The following JMJD1C variants were observed in gnomAD, a reference collection of about 807,000 sequenced individuals.
JMJD1C encodes jumonji domain containing 1C, also known as jumonji domain-containing protein 1C.
JMJD1C carries 31 observed loss-of-function variants against 245.3 expected under a neutral mutation model. The observed-to-expected ratio is 0.13, with a 90% CI of 0.09 to 0.17. The LOEUF (loss-of-function observed/expected upper bound fraction) is 0.17. Among genes scored for constraint, JMJD1C ranks in the 10% least tolerant of loss-of-function variants. JMJD1C has a pLI of 1.00. For synonymous variants in JMJD1C, 1,057 were observed against 1,017.4 expected, an observed-to-expected ratio of 1.04 and a Z score of -0.74; for missense variants, 2,691 against 3,000.2, an observed-to-expected ratio of 0.90 and a Z score of 2.41.
At position 63,347,752 on chromosome 10, in the gene JMJD1C, T is replaced by G. The variant is rs546978607; in HGVS notation, c.333+32566A>C. Among the ~76,000 whole-genome samples the G allele has an allele frequency of 6.7e-4, 102 of 151,122 alleles. 1 individual carries two copies. Among genetic ancestry groups the G allele is most frequent in the African/African-American group, 2.4e-3 (99 of 41,116 alleles). On this transcript the variant is annotated intron_variant, in intron 2 of 25. Transcript: ENST00000399262. ...ACGTGGTGAAACGCCCCCACCCTAC[T>G]AAAAATACAAAAATCAGCCAGGCGT...
At chr10:63,369,189 C>T (rs999379199) in intron 2 of JMJD1C, among the ~76,000 whole-genome samples, 3 of 151,388 alleles carry the variant, frequency 2.0e-5, no homozygotes, top group African/African-American at 4.9e-5. Context: ...ACTCTGTTGC[C>T]CAGGAGTGCA....
chr10:63,518,450 C>T (rs893638525), intron 1 of JMJD1C, among the ~76,000 whole-genome samples: 2 of 152,184 alleles, frequency 1.3e-5, no homozygotes, highest in Non-Finnish European at 2.9e-5. Context: ...TGGGGCAAAA[C>T]TACACTAGAA....
chr10:63,424,309 C>A (rs993246471), intron 1 of JMJD1C, among the ~76,000 whole-genome samples: 2 of 151,554 alleles, frequency 1.3e-5, no homozygotes, highest in Non-Finnish European at 2.9e-5. Flanking sequence ...TCAAGCAATA[C>A]CCCTGCCATG....
chr10:63,222,237 A>C (rs1170023791), intron 3 of JMJD1C: 2 of 787,862 alleles, frequency 2.5e-6, no homozygotes, highest in East Asian at 4.9e-5. Context: ...GTTCAAAAGC[A>C]TCAAGATGAT....
intron 2 of JMJD1C, among the ~76,000 whole-genome samples, chr10:63,361,719 T>TAAAAAAAAAAAAAAAAAAAAAAAAAAAAA (rs55879769): frequency 1.0e-5 from 1 of 95,606 alleles, no homozygotes; most frequent in African/African-American, 4.4e-5. Context: ...CTGTCTCAAC[T>TAAAAAAAAAAAAAAAAAAAAAAAAAAAAA]AAAAAAAAAA....
chr10:63,407,091 A>C (rs960115670), intron 1 of JMJD1C, among the ~76,000 whole-genome samples: 1 of 152,230 alleles, frequency 6.6e-6, no homozygotes, highest in African/African-American at 2.4e-5. Flanking sequence ...CCAAAGGTTC[A>C]AAAATTGAGT....
In JMJD1C at chr10:63,168,697, G is replaced by A. The variant is rs191364335; in HGVS notation, c.7402-131C>T. 312 of 762,350 alleles carry A rather than the reference G, an allele frequency of 4.1e-4. 3 individuals are homozygous for A. In the East Asian group the frequency reaches 5.9e-3, roughly 14 times the overall value. 47.2% of individuals were successfully genotyped at this position (762,350 alleles called of 1,614,324 possible). ...TTTACTTTCTCCAAAACATCAAATGGATTTTAAAGCAGAAGACCACATTTT... is the reference window on the plus strand; with the variant it reads ...TTTACTTTCTCCAAAACATCAAATGAATTTTAAAGCAGAAGACCACATTTT... On this transcript the variant is annotated intron_variant, in intron 24 of 25. Coordinates refer to ENST00000399262, the MANE Select transcript of JMJD1C (RefSeq NM_032776.3).
intron 8 of JMJD1C, among the ~76,000 whole-genome samples, 182 bp downstream of exon 8, chr10:63,213,291 G>A (rs991459972): frequency 6.6e-6 from 1 of 151,504 alleles, no homozygotes; most frequent in Admixed American, 6.6e-5. Context: ...CTTTTTATAA[G>A]TAGGCTTTTC....
At chr10:63,231,390 T>C (rs949198859) in intron 3 of JMJD1C, among the ~76,000 whole-genome samples, 7 of 152,194 alleles carry the variant, frequency 4.6e-5, no homozygotes, top group Admixed American at 6.5e-5. Context: ...AAGAATTTCC[T>C]GCCAAACACA....
chr10:63,192,393 C>T (rs1004324082), intron 16 of JMJD1C, among the ~76,000 whole-genome samples: 24 of 151,970 alleles, frequency 1.6e-4, no homozygotes, highest in Middle Eastern at 3.4e-3. Context: ...AACATGGTGA[C>T]GCCCTGTCTC....
chr10:63,418,146 T>C (rs774111016), intron 1 of JMJD1C, among the ~76,000 whole-genome samples: 6 of 152,190 alleles, frequency 3.9e-5, no homozygotes, highest in South Asian at 2.1e-4. Context: ...CAGAACCTAA[T>C]TGAGGGCTTT....
At chr10:63,354,744 G>T (rs1944670310) in intron 2 of JMJD1C, among the ~76,000 whole-genome samples, 1 of 151,454 alleles carries the variant, frequency 6.6e-6, no homozygotes, top group Admixed American at 6.6e-5. Flanking sequence ...GCTGCGTGTG[G>T]TGGCTCATGC....
intron 13 of JMJD1C, among the ~76,000 whole-genome samples, chr10:63,195,409 A>C (rs1392951169): frequency 1.3e-5 from 2 of 152,076 alleles, no homozygotes; most frequent in Non-Finnish European, 2.9e-5. Flanking sequence ...CATTAAATAA[A>C]ATTCAAACCC....
intron 1 of JMJD1C, among the ~76,000 whole-genome samples, chr10:63,502,920 T>C (rs1160147101): frequency 6.6e-6 from 1 of 152,120 alleles, no homozygotes; most frequent in Non-Finnish European, 1.5e-5. Context: ...AACAGAATAA[T>C]GGGTAACAAT....
chr10:63,281,043 C>T (rs1411679238), intron 2 of JMJD1C, among the ~76,000 whole-genome samples: 2 of 151,398 alleles, frequency 1.3e-5, no homozygotes, highest in African/African-American at 4.9e-5. Flanking sequence ...CCGTGTTAGC[C>T]AGCATGGTCT....
At chr10:63,233,757 GCACACACACACACA>G (rs10565803) in intron 3 of JMJD1C, among the ~76,000 whole-genome samples, 2 of 148,132 alleles carry the variant, frequency 1.4e-5, no homozygotes, top group Non-Finnish European at 3.0e-5. Context: ...ACACGCGCGT[GCACACACACACACA>G]CACACACACA....
chr10:63,236,391 C>T (rs1181082994), intron 3 of JMJD1C, among the ~76,000 whole-genome samples: 2 of 152,090 alleles, frequency 1.3e-5, no homozygotes, highest in Admixed American at 1.3e-4. Context: ...ATTATAAAAC[C>T]ACTTGAAGAA....
rs530962569 is a variant in JMJD1C, at chr10:63,192,564, G to A, written c.6076+374C>T. 4.6e-5 allele frequency among the ~76,000 whole-genome samples: 7 copies of A among 152,148 alleles called. No homozygotes were observed. In the South Asian group the frequency reaches 1.0e-3, roughly 23 times the overall value. On this transcript the variant is annotated intron_variant, in intron 16 of 25. Coordinates refer to ENST00000399262, the MANE Select transcript of JMJD1C (RefSeq NM_032776.3). ...GACTGGGCAACAAGAGCAAAACTCC[G>A]TGCTCCCCGACCCCTAAAAAGAAAA...
At chr10:63,420,062 G>A (rs1393228981) in intron 1 of JMJD1C, among the ~76,000 whole-genome samples, 3 of 151,624 alleles carry the variant, frequency 2.0e-5, no homozygotes, top group Admixed American at 2.0e-4. Flanking sequence ...CTTGAACCCG[G>A]GAGGCAGAAG....
Sources: allele counts gnomAD v4.1 joint callset (sites outside exome capture counted in the v4.1 genomes callset), GRCh38; gene constraint gnomAD v4.1.1; transcripts MANE v1.5; gene names NCBI Gene and HGNC (gene_info 2026-07-23, HGNC 2026-07-21).